Variants in IFIT1 observed in about 807,000 individuals in gnomAD.
The protein encoded by IFIT1 is interferon induced protein with tetratricopeptide repeats 1.
Under a neutral mutation model 2.5 loss-of-function variants are expected in IFIT1, and 1 was observed. The ratio of observed to expected loss-of-function variants is 0.40; its 90% CI spans 0.14 to 1.92. The LOEUF is 1.92. Ranked by LOEUF, IFIT1 falls within the 40% of genes most tolerant of loss-of-function variation. IFIT1 has a pLI of 0.31. For synonymous variants in IFIT1, 191 were observed against 201.7 expected, an observed-to-expected ratio of 0.95 and a Z score of 0.45; for missense variants, 508 against 557.8, an observed-to-expected ratio of 0.91 and a Z score of 0.90.
intron 1 of IFIT1, among the ~76,000 whole-genome samples, chr10:89,397,704 A>G (rs1296093280): frequency 1.3e-5 from 2 of 152,024 alleles, no homozygotes; most frequent in African/African-American, 4.8e-5. Context: ...TTTATTGGCC[A>G]TTTATATTGG....
chr10:89,404,316 T>G lies in IFIT1; in HGVS notation c.*604T>G, dbSNP rs1412038702. On this transcript the variant is annotated 3_prime_UTR_variant, in exon 2 of 2. Coordinates refer to ENST00000371804, the MANE Select transcript of IFIT1 (RefSeq NM_001548.5). ...TTTCCACATGACAACTGATCAGCCT[T>G]CCCTCCTGATAAGTGACCACTGCCC... 6.6e-6 allele frequency: 1 copy of G among 152,392 alleles called. No homozygotes were observed. The highest frequency in any genetic ancestry group is 1.5e-5 in the Non-Finnish European group (1 of 68,202). The allele number at this position is 152,392 out of a possible 1,614,324, so 9.4% of individuals were successfully genotyped here.
At position 89,405,872 on chromosome 10, in the gene IFIT1, G is replaced by A. The variant is rs1230179047; in HGVS notation, c.*2160G>A. 6.6e-6 allele frequency: 1 copy of A among 152,176 alleles called. No individual in the cohort carries two copies. Among genetic ancestry groups the A allele is most frequent in the East Asian group, 1.9e-4 (1 of 5,170 alleles). The allele number at this position is 152,176 out of a possible 1,614,324, so 9.4% of individuals were successfully genotyped here. On this transcript the variant is annotated 3_prime_UTR_variant, in exon 2 of 2. Transcript: ENST00000371804. ...AAGTAGCATGTTCACAGGTTCTGGA[G>A]ACTTGGCCATGGATACGATTGCGGG...
chr10:89,401,603 G>GA (rs1166945949), intron 1 of IFIT1, among the ~76,000 whole-genome samples: 2 of 151,794 alleles, frequency 1.3e-5, no homozygotes, highest in Non-Finnish European at 1.5e-5. Flanking sequence ...AGGCTTACGT[G>GA]AAAAAAATGA....
At chr10:89,394,548 TA>T (rs1182605702) in intron 1 of IFIT1, among the ~76,000 whole-genome samples, 2 of 148,202 alleles carry the variant, frequency 1.3e-5, no homozygotes, top group African/African-American at 5.0e-5. Flanking sequence ...TTCCTGCTTT[TA>T]TGTTTATGTC....
intron 1 of IFIT1, among the ~76,000 whole-genome samples, chr10:89,395,838 A>G (rs1217676262): frequency 6.6e-6 from 1 of 152,114 alleles, no homozygotes; most frequent in Admixed American, 6.5e-5. Flanking sequence ...AAAATACAAC[A>G]GTGACCTTTT....
chr10:89,394,951 T>C (rs1341685055), intron 1 of IFIT1, among the ~76,000 whole-genome samples: 2 of 152,172 alleles, frequency 1.3e-5, no homozygotes, highest in African/African-American at 4.8e-5. Flanking sequence ...TGTGGTTATA[T>C]TGAATTTTTA....
chr10:89,400,623 T>C (rs959442910), intron 1 of IFIT1, among the ~76,000 whole-genome samples: 1 of 152,232 alleles, frequency 6.6e-6, no homozygotes, highest in Admixed American at 6.5e-5. Context: ...CATGTAGATT[T>C]TGTATCCTGC....
At position 89,402,464 on chromosome 10, in the gene IFIT1, C is replaced by T. The variant is rs201864858; in HGVS notation, c.189C>T (p.His63=). ...GIHNLLAYVK[H]LKGQNEEALK... is the part of the protein sequence containing the mutation. ...ACAACCTACTAGCCTATGTGAAACA[C>T]CTGAAAGGCCAGAATGAGGAAGCCC... The change falls in exon 2 of 2, where the codon CAC becomes CAT. Residue 63 remains histidine (H), a synonymous_variant. Coordinates refer to ENST00000371804, the MANE Select transcript of IFIT1 (RefSeq NM_001548.5). 1.9e-6 allele frequency: 3 copies of T among 1,614,052 alleles called. No individual in the cohort carries two copies. Among genetic ancestry groups the T allele is most frequent in the African/African-American group, 2.7e-5 (2 of 74,918 alleles).
chr10:89,393,435 T>C, intron 1 of IFIT1: 1 of 614,320 alleles, frequency 1.6e-6, no homozygotes, highest in South Asian at 2.0e-5. Flanking sequence ...TCAGCTGATT[T>C]AAAAACCATT....
At chr10:89,394,076 A>C (rs894714924) in intron 1 of IFIT1, among the ~76,000 whole-genome samples, 7 of 152,174 alleles carry the variant, frequency 4.6e-5, no homozygotes, top group Admixed American at 2.6e-4. Flanking sequence ...CACTCTGAGA[A>C]ATGCAGCTGT....
intron 1 of IFIT1, among the ~76,000 whole-genome samples, chr10:89,394,734 T>C (rs2133616521): frequency 6.6e-6 from 1 of 151,772 alleles, no homozygotes; most frequent in Middle Eastern, 3.4e-3. Context: ...AATTTAGTAG[T>C]ATTTAGTATA....
intron 1 of IFIT1, among the ~76,000 whole-genome samples, chr10:89,401,178 G>A (rs150394863): frequency 0.026 from 3,906 of 150,622 alleles, 159 homozygotes; most frequent in African/African-American, 0.09. Flanking sequence ...GTGCAGTGGC[G>A]CGATCTCAGC....
At position 89,403,791 on chromosome 10, in the gene IFIT1, T is replaced by A; in HGVS notation, c.*79T>A. 1 of 762,038 alleles carries A rather than the reference T, an allele frequency of 1.3e-6. No homozygotes were observed. The highest frequency in any genetic ancestry group is 2.1e-6 in the Non-Finnish European group (1 of 469,786). The allele number at this position is 762,038 out of a possible 1,614,324, so 47.2% of individuals were successfully genotyped here. On this transcript the variant is annotated 3_prime_UTR_variant, in exon 2 of 2. Coordinates refer to ENST00000371804, the MANE Select transcript of IFIT1 (RefSeq NM_001548.5). The stretch of plus-strand genomic sequence containing the variant: ...CTAATCATCTTTTCTGCTTACTGTT[T>A]TCAGAAACATTATAATTCACTGTAA...
chr10:89,394,577 A>AATATAT lies in IFIT1; in HGVS notation c.5+1906_5+1911dup, dbSNP rs200060906. Among the ~76,000 whole-genome samples the AATATAT allele has an allele frequency of 3.6e-3, 391 of 108,436 alleles. 3 individuals are homozygous for AATATAT. Among genetic ancestry groups the AATATAT allele is most frequent in the Non-Finnish European group, 5.7e-3 (315 of 55,440 alleles). 71.1% of individuals were successfully genotyped at this position (108,436 alleles called of 152,430 possible). On this transcript the variant is annotated intron_variant, in intron 1 of 1. Transcript: ENST00000371804. The stretch of plus-strand genomic sequence containing the variant: ...TTTATGTCAATATGTACTACAGGAA[A>AATATAT]ATATATATATATATATATATATATA...
rs1046481353 is a variant in IFIT1, at chr10:89,406,289, G to A, written c.*2577G>A. The A allele has an allele frequency of 6.6e-6, 1 of 152,124 alleles. No individual in the cohort carries two copies. The highest frequency in any genetic ancestry group is 2.4e-5 in the African/African-American group (1 of 41,348). The allele number at this position is 152,124 out of a possible 1,614,324, so 9.4% of individuals were successfully genotyped here. ...AACTTTTCTGTCTAGCTAAAGTATT[G>A]TAAAATGGACCAGTCAACACTCTGT... On this transcript the variant is annotated 3_prime_UTR_variant, in exon 2 of 2. Coordinates refer to ENST00000371804, the MANE Select transcript of IFIT1 (RefSeq NM_001548.5).
chr10:89,394,577 AATATATATATAT>A lies in IFIT1; in HGVS notation c.5+1900_5+1911del, dbSNP rs200060906. ...TTTATGTCAATATGTACTACAGGAA[AATATATATATAT>A]ATATATATATATATATATATATATA... On this transcript the variant is annotated intron_variant, in intron 1 of 1. Coordinates refer to ENST00000371804, the MANE Select transcript of IFIT1 (RefSeq NM_001548.5). 2.2e-3 allele frequency among the ~76,000 whole-genome samples: 238 copies of A among 108,722 alleles called. 2 individuals carry two copies. Among genetic ancestry groups the A allele is most frequent in the Non-Finnish European group, 3.3e-3 (182 of 55,660 alleles). 71.3% of individuals were successfully genotyped at this position (108,722 alleles called of 152,430 possible). A position where few individuals can be genotyped will look rare whatever the true frequency, so the allele number is the denominator to read the frequency against.
At position 89,405,927 on chromosome 10, in the gene IFIT1, C is replaced by T. The variant is rs1000494037; in HGVS notation, c.*2215C>T. ...GCATTATTCTTACCACAGAGCACCC[C>T]AAGAAAATCTCCAAATTTTGGGCTT... On this transcript the variant is annotated 3_prime_UTR_variant, in exon 2 of 2. Transcript: ENST00000371804. 5 of 152,104 alleles carry T rather than the reference C, an allele frequency of 3.3e-5. No homozygotes were observed. Among genetic ancestry groups the T allele is most frequent in the African/African-American group, 1.2e-4 (5 of 41,396 alleles). 9.4% of individuals were successfully genotyped at this position (152,104 alleles called of 1,614,324 possible). A position where few individuals can be genotyped will look rare whatever the true frequency, so the allele number is the denominator to read the frequency against.
chr10:89,395,567 T>C (rs1232393621), intron 1 of IFIT1, among the ~76,000 whole-genome samples: 8 of 152,156 alleles, frequency 5.3e-5, no homozygotes, highest in Admixed American at 5.2e-4. Flanking sequence ...AGAGTGGCTG[T>C]CTCAGTAGAA....
chr10:89,402,836 C>T lies in IFIT1; in HGVS notation c.561C>T (p.Arg187=), dbSNP rs756796468. ...SSAGYAISAY[R]LDGFKLATKN... ...CTGGGTATGCGATCTCTGCCTATCGCCTGGATGGCTTTAAATTAGCCACAA... is the reference window on the plus strand; with the variant it reads ...CTGGGTATGCGATCTCTGCCTATCGTCTGGATGGCTTTAAATTAGCCACAA... Residue 187 remains arginine, a synonymous_variant, in exon 2 of 2, where the codon CGC becomes CGT. Transcript: ENST00000371804. 1 of 1,614,164 alleles carries T rather than the reference C, an allele frequency of 6.2e-7. No homozygotes were observed. Among genetic ancestry groups the T allele is most frequent in the Non-Finnish European group, 8.5e-7 (1 of 1,180,028 alleles).
Sources: gnomAD v4.1 joint callset for allele counts (sites outside exome capture counted in the v4.1 genomes callset) on GRCh38, gnomAD v4.1.1 for gene constraint, MANE v1.5 for transcripts, NCBI Gene and HGNC (gene_info 2026-07-23, HGNC 2026-07-21) for gene names.